Variants in CALHM4 observed in about 807,000 individuals in gnomAD.
CALHM4 encodes the protein calcium homeostasis modulator protein 4.
A neutral mutation model predicts 13.3 loss-of-function variants in CALHM4; 16 were observed. The observed-to-expected ratio is 1.20, with a 90% CI of 0.81 to 1.82. The LOEUF is 1.82. Ranked by LOEUF, CALHM4 falls within the 40% of genes most tolerant of loss-of-function variation. The pLI, the probability that CALHM4 is intolerant of heterozygous loss-of-function variation, is 0.00. For synonymous variants in CALHM4, 127 were observed against 137.1 expected (o/e 0.93, Z 0.52); for missense variants, 344 against 374.9 (o/e 0.92, Z 0.68).
intron 1 of CALHM4, among the ~76,000 whole-genome samples, chr6:116,535,008 C>A (rs1009989894): frequency 6.6e-6 from 1 of 152,056 alleles, no homozygotes; most frequent in Non-Finnish European, 1.5e-5. Flanking sequence ...TTGACATGGA[C>A]CTGAGAGCAA....
At chr6:116,557,678 C>A (rs530847890) in intron 1 of CALHM4, 147 bp from the exon 2 acceptor site, 1 of 805,560 alleles carries the variant, frequency 1.2e-6, no homozygotes, top group East Asian at 2.6e-5. Flanking sequence ...ATCATTAGCA[C>A]GTTGTTGATA....
chr6:116,538,608 A>G (rs2064877), intron 1 of CALHM4, among the ~76,000 whole-genome samples: 84,184 of 151,916 alleles, frequency 0.55, 24,981 homozygotes, highest in East Asian at 0.89. Flanking sequence ...CAAATGTTCA[A>G]AGCCTAATAA....
chr6:116,551,545 T>A (rs1774080014), upstream of CALHM4, among the ~76,000 whole-genome samples: 1 of 152,048 alleles, frequency 6.6e-6, no homozygotes, highest in Admixed American at 6.5e-5. Context: ...TCAATTGTTT[T>A]ATCCTTTTTT....
chr6:116,531,401 TATTAGTAGGTA>T (rs1772715598), intron 1 of CALHM4, among the ~76,000 whole-genome samples: 1 of 152,032 alleles, frequency 6.6e-6, no homozygotes, highest in Non-Finnish European at 1.5e-5. Context: ...AATGGAAAGA[TATTAGTAGGTA>T]ATTATAAGAG....
intron 1 of CALHM4, among the ~76,000 whole-genome samples, chr6:116,536,504 T>C (rs770185504): frequency 2.0e-5 from 3 of 152,204 alleles, no homozygotes; most frequent in Non-Finnish European, 4.4e-5. Flanking sequence ...GCAGTGTAAG[T>C]TCAGGAAACC....
chr6:116,539,833 G>A (rs905341849), intron 1 of CALHM4, among the ~76,000 whole-genome samples: 40 of 152,054 alleles, frequency 2.6e-4, no homozygotes, highest in African/African-American at 8.5e-4. Context: ...TGCATTTTCC[G>A]GTTTAATTTC....
At chr6:116,533,533 G>A (rs1402894307) in intron 1 of CALHM4, among the ~76,000 whole-genome samples, 1 of 152,160 alleles carries the variant, frequency 6.6e-6, no homozygotes, top group Non-Finnish European at 1.5e-5. Flanking sequence ...GGTAGGATAG[G>A]GTCAAACGTG....
intron 1 of CALHM4, among the ~76,000 whole-genome samples, chr6:116,536,079 A>G (rs1773067547): frequency 6.6e-6 from 1 of 152,230 alleles, no homozygotes; most frequent in African/African-American, 2.4e-5. Context: ...CTGTTGACTT[A>G]CAAATGTTCA....
At chr6:116,529,375 GAATCTTTGT>G (rs149099354) in intron 1 of CALHM4, among the ~76,000 whole-genome samples, 2,661 of 152,268 alleles carry the variant, frequency 0.017, 72 homozygotes, top group African/African-American at 0.06. Context: ...AAAAATTTTA[GAATCTTTGT>G]AACTAACAGA....
At position 116,561,123 on chromosome 6, in the gene CALHM4, T is replaced by C. The variant is rs549114857; in HGVS notation, c.*2912T>C. 6.6e-6 allele frequency among the ~76,000 whole-genome samples: 1 copy of C among 152,382 alleles called. No homozygotes were observed. Among genetic ancestry groups the C allele is most frequent in the South Asian group, 2.1e-4 (1 of 4,830 alleles). On this transcript the variant is annotated 3_prime_UTR_variant, in exon 2 of 2. Transcript: ENST00000368596. ...ATTGTAATAAACAACAGTGAGATTTTGCTAGTTGTTTTCTTGCATTTGGTT... is the reference window on the plus strand; with the variant it reads ...ATTGTAATAAACAACAGTGAGATTTCGCTAGTTGTTTTCTTGCATTTGGTT...
chr6:116,549,713 C>A (rs1041716801), upstream of CALHM4, among the ~76,000 whole-genome samples: 2 of 151,498 alleles, frequency 1.3e-5, no homozygotes, highest in Non-Finnish European at 2.9e-5. Context: ...TGGTGGCTCA[C>A]GCCTGTAATC....
chr6:116,537,261 A>G (rs1252676429), intron 1 of CALHM4, among the ~76,000 whole-genome samples: 1 of 152,188 alleles, frequency 6.6e-6, no homozygotes, highest in Admixed American at 6.5e-5. Flanking sequence ...GAAGGAATTC[A>G]TCAGAATGGT....
chr6:116,554,137 C>G lies in CALHM4; in HGVS notation c.344C>G (p.Pro115Arg). 6.4e-7 allele frequency: 1 copy of G among 1,550,574 alleles called. No individual in the cohort carries two copies. Among genetic ancestry groups the G allele is most frequent in the Non-Finnish European group, 8.7e-7 (1 of 1,147,004 alleles). The change falls in exon 1 of 2, where the codon CCT becomes CGT. Residue 115 changes from proline (P) to arginine (R), a missense_variant. Transcript: ENST00000368596. The part of the protein sequence containing the change: ...FSITGRAVIA[P>R]LTWLAVTLLT... ...ATCACTGGGAGGGCAGTTATTGCTC[C>G]TTTAACTTGGCTGGCGGTGACCCTG... is the stretch of plus-strand genomic sequence containing the variant.
chr6:116,547,571 G>A (rs1773858400), intron 2 of CALHM4, among the ~76,000 whole-genome samples: 1 of 152,178 alleles, frequency 6.6e-6, no homozygotes, highest in South Asian at 2.1e-4. Flanking sequence ...TGGTTTGCTG[G>A]TTTTCAGTCT....
At chr6:116,534,128 C>T (rs1772925932) in intron 1 of CALHM4, among the ~76,000 whole-genome samples, 1 of 151,916 alleles carries the variant, frequency 6.6e-6, no homozygotes, top group Non-Finnish European at 1.5e-5. Context: ...TCCCCTTTCT[C>T]AGTAGCTAAT....
chr6:116,553,855 C>T lies in CALHM4; in HGVS notation c.62C>T (p.Ser21Phe). Residue 21 changes from serine to phenylalanine, a missense_variant, in exon 1 of 2, where the codon TCT (serine) becomes TTT (phenylalanine). Physicochemically the swap from Ser to Phe is radical, Grantham distance 155 (BLOSUM62 -2). Coordinates refer to ENST00000368596, the MANE Select transcript of CALHM4 (RefSeq NM_001366078.2). ...SLQRNGIFIN[S>F]LIAALTIGGQ... is the part of the protein sequence containing the mutation. ...CAGAGAAATGGAATATTTATCAATT[C>T]TTTAATTGCAGCCTTGACTATTGGT... 6.4e-7 allele frequency: 1 copy of T among 1,550,650 alleles called. No homozygotes were observed. Among genetic ancestry groups the T allele is most frequent in the Non-Finnish European group, 8.7e-7 (1 of 1,147,014 alleles).
At chr6:116,549,902 G>A (rs1467648411), upstream of CALHM4, among the ~76,000 whole-genome samples, 1 of 149,104 alleles carries the variant, frequency 6.7e-6, no homozygotes, top group Admixed American at 6.7e-5. Flanking sequence ...CTTCAACCCG[G>A]CAGGCAGAGG....
At chr6:116,532,012 C>T (rs758490807) in intron 1 of CALHM4, among the ~76,000 whole-genome samples, 5 of 151,942 alleles carry the variant, frequency 3.3e-5, no homozygotes, top group Non-Finnish European at 5.9e-5. Flanking sequence ...AGGATCCTAC[C>T]GCAGTTTAAA....
chr6:116,558,770 T>C lies in CALHM4; in HGVS notation c.*559T>C, dbSNP rs1438874035. 5 of 152,372 alleles carry C rather than the reference T, an allele frequency of 3.3e-5. No homozygotes were observed. Among genetic ancestry groups the C allele is most frequent in the Admixed American group, 3.3e-4 (5 of 15,288 alleles). 9.4% of individuals were successfully genotyped at this position (152,372 alleles called of 1,614,324 possible). A position where few individuals can be genotyped will look rare whatever the true frequency, so the allele number is the denominator to read the frequency against. ...TTCTTCAGACCTAAATATCTGACCT[T>C]TTGGGAAGCAGGACAGAAACCTCTT... On this transcript the variant is annotated 3_prime_UTR_variant, in exon 2 of 2. Transcript: ENST00000368596.
Sources: allele counts gnomAD v4.1 joint callset (sites outside exome capture counted in the v4.1 genomes callset), GRCh38; gene constraint gnomAD v4.1.1; transcripts MANE v1.5; gene names NCBI Gene and HGNC (gene_info 2026-07-23, HGNC 2026-07-21).